The following SGCZ variants were observed in gnomAD, a reference collection of about 807,000 sequenced individuals.
SGCZ encodes the protein zeta-sarcoglycan.
In SGCZ, 40 loss-of-function variants were observed where a neutral mutation model predicts 41.3. That is an observed-to-expected ratio of 0.97 (90% CI 0.75 to 1.26). SGCZ has a LOEUF of 1.26. Ranked by LOEUF, SGCZ falls within the 50% of genes most tolerant of loss-of-function variation. SGCZ has a pLI of 0.00. For missense variants in SGCZ, 552 were observed against 369.8 expected (o/e 1.49, Z -4.04); for synonymous variants, 206 against 137.5 (o/e 1.50, Z -3.49).
chr8:15,167,105 G>A (rs763187911), intron 1 of SGCZ, among the ~76,000 whole-genome samples: 1 of 152,024 alleles, frequency 6.6e-6, no homozygotes, highest in African/African-American at 2.4e-5. Flanking sequence ...ATCAAAATTT[G>A]GAGTATGTTT....
intron 1 of SGCZ, among the ~76,000 whole-genome samples, chr8:14,772,091 A>ATTGAATACTATAT (rs1433254961): frequency 6.6e-6 from 1 of 152,158 alleles, no homozygotes; most frequent in Non-Finnish European, 1.5e-5. Context: ...CTTTCAATAT[A>ATTGAATACTATAT]GTATTCAATA....
chr8:14,185,295 T>G (rs1432566579), intron 4 of SGCZ, among the ~76,000 whole-genome samples: 12 of 152,070 alleles, frequency 7.9e-5, no homozygotes, highest in Admixed American at 4.6e-4. Flanking sequence ...TCCTAGCTAC[T>G]CGCAGGCTGA....
At chr8:14,800,346 A>T (rs1037137719) in intron 1 of SGCZ, among the ~76,000 whole-genome samples, 18 of 152,172 alleles carry the variant, frequency 1.2e-4, no homozygotes, top group Non-Finnish European at 2.5e-4. Flanking sequence ...CTATAGATAG[A>T]GCAAAAAGAG....
chr8:14,413,823 T>C (rs184761260), intron 2 of SGCZ, among the ~76,000 whole-genome samples: 3 of 152,120 alleles, frequency 2.0e-5, no homozygotes, highest in Admixed American at 6.6e-5. Context: ...ATGGTTTAGA[T>C]AGAACATAAA....
At chr8:14,274,414 G>A (rs975525334) in intron 3 of SGCZ, among the ~76,000 whole-genome samples, 2 of 152,084 alleles carry the variant, frequency 1.3e-5, no homozygotes, top group African/African-American at 2.4e-5. Context: ...CAAGTCGTTG[G>A]TTTTAAACTC....
In SGCZ at chr8:14,686,104, T is replaced by TATC. The variant is rs979537053; in HGVS notation, c.40-131181_40-131179dup. Reference sequence around the variant, plus strand: ...TGCTCTCAAGACTTAACTCACCTCCTATCCAGGTAGTGCATATAAAAACTC... The same window carrying TATC: ...TGCTCTCAAGACTTAACTCACCTCCTATCATCCAGGTAGTGCATATAAAAACTC... On this transcript the variant is annotated intron_variant, in intron 1 of 7. Transcript: ENST00000382080. 1.0e-3 allele frequency among the ~76,000 whole-genome samples: 157 copies of TATC among 152,238 alleles called. 2 individuals are homozygous for TATC. The highest frequency in any genetic ancestry group is 3.6e-3 in the African/African-American group (151 of 41,568).
At chr8:14,729,430 G>C (rs570464217) in intron 1 of SGCZ, among the ~76,000 whole-genome samples, 47 of 152,270 alleles carry the variant, frequency 3.1e-4, no homozygotes, top group South Asian at 8.3e-4. Flanking sequence ...ACCTTTTAAA[G>C]AGGTAATTAA....
At chr8:15,098,167 T>C (rs530925377) in intron 1 of SGCZ, among the ~76,000 whole-genome samples, 2 of 150,668 alleles carry the variant, frequency 1.3e-5, no homozygotes, top group East Asian at 2.0e-4. Flanking sequence ...AAACAGATGT[T>C]GTAAAAGGAA....
chr8:14,108,024 A>G, intron 6 of SGCZ, 139 bp downstream of exon 6: 1 of 709,056 alleles, frequency 1.4e-6, no homozygotes, highest in Non-Finnish European at 2.3e-6. Flanking sequence ...CATTCTTCCT[A>G]TCTAATATAT....
intron 1 of SGCZ, among the ~76,000 whole-genome samples, chr8:14,794,290 T>G (rs528821143): frequency 5.3e-4 from 81 of 151,918 alleles, no homozygotes; most frequent in African/African-American, 1.8e-3. Context: ...TAGAGAAGAT[T>G]CAGGAAAAAG....
At chr8:15,037,008 C>A (rs920793088) in intron 1 of SGCZ, among the ~76,000 whole-genome samples, 4 of 152,116 alleles carry the variant, frequency 2.6e-5, no homozygotes, top group African/African-American at 7.2e-5. Context: ...ATAATCTCAA[C>A]AGAAGCAGAA....
At chr8:15,151,533 T>A (rs1207479594) in intron 1 of SGCZ, among the ~76,000 whole-genome samples, 3 of 152,130 alleles carry the variant, frequency 2.0e-5, no homozygotes, top group Non-Finnish European at 2.9e-5. Flanking sequence ...TAGGACTTCT[T>A]TAATTTTTAG....
At chr8:14,648,345 A>C (rs1382855982) in intron 1 of SGCZ, among the ~76,000 whole-genome samples, 2 of 152,116 alleles carry the variant, frequency 1.3e-5, no homozygotes, top group Non-Finnish European at 2.9e-5. Flanking sequence ...TGCTTTCTTC[A>C]AATCAAGAAA....
intron 5 of SGCZ, 121 bp from the exon 6 acceptor site, chr8:14,108,356 G>A (rs1563131207): frequency 1.3e-6 from 1 of 778,574 alleles, no homozygotes; most frequent in South Asian, 1.7e-5. Context: ...TACATATGAT[G>A]TATTAGTCCG....
At chr8:14,437,557 A>G (rs1208436218) in intron 2 of SGCZ, among the ~76,000 whole-genome samples, 1 of 152,070 alleles carries the variant, frequency 6.6e-6, no homozygotes, top group African/African-American at 2.4e-5. Flanking sequence ...GTTAGTATTT[A>G]CTGGGTTTAC....
intron 4 of SGCZ, among the ~76,000 whole-genome samples, chr8:14,209,005 T>A (rs954393071): frequency 6.6e-6 from 1 of 152,198 alleles, no homozygotes; most frequent in Non-Finnish European, 1.5e-5. Flanking sequence ...GGGTGAATGC[T>A]GGTAGCTGTG....
intron 2 of SGCZ, among the ~76,000 whole-genome samples, chr8:14,432,639 C>T (rs774334676): frequency 2.0e-5 from 3 of 152,214 alleles, no homozygotes; most frequent in Non-Finnish European, 2.9e-5. Context: ...TACAGCAGGG[C>T]GCATTGGCTC....
chr8:14,173,027 A>G (rs890239111), intron 4 of SGCZ, among the ~76,000 whole-genome samples: 15 of 152,162 alleles, frequency 9.9e-5, no homozygotes, highest in Non-Finnish European at 5.9e-5. Context: ...CATGAAGTTG[A>G]GGCCCCTGAG....
intron 1 of SGCZ, among the ~76,000 whole-genome samples, chr8:14,796,189 C>T (rs1801122986): frequency 6.6e-6 from 1 of 152,164 alleles, no homozygotes; most frequent in Non-Finnish European, 1.5e-5. Context: ...GGTATACACT[C>T]AGTAAAGGAA....
Sources: allele counts gnomAD v4.1 joint callset (sites outside exome capture counted in the v4.1 genomes callset), GRCh38; gene constraint gnomAD v4.1.1; transcripts MANE v1.5; gene names NCBI Gene and HGNC (gene_info 2026-07-23, HGNC 2026-07-21).